PAPSS2: variants seen among roughly 807,000 people sequenced by gnomAD.
The protein encoded by PAPSS2 is bifunctional 3'-phosphoadenosine 5'-phosphosulfate synthase 2.
In PAPSS2, 61 loss-of-function variants were observed where a neutral mutation model predicts 66.5. The ratio of observed to expected loss-of-function variants is 0.92; its 90% CI spans 0.75 to 1.14. The LOEUF is 1.14. PAPSS2 is among the 50% of genes most tolerant of loss of function. The probability of loss-of-function intolerance (pLI) is 0.00; values close to 1 mark genes in which losing one functional copy is unlikely to be tolerated. For synonymous variants in PAPSS2, 289 were observed against 287.5 expected (o/e 1.01, Z -0.05); for missense variants, 708 against 789.6 (o/e 0.90, Z 1.24).
intron 1 of PAPSS2, among the ~76,000 whole-genome samples, chr10:87,660,584 G>A (rs1181603119): frequency 1.3e-5 from 2 of 152,084 alleles, no homozygotes; most frequent in South Asian, 2.1e-4. Flanking sequence ...TCAGTAATGA[G>A]GGGTGAGGGT....
intron 7 of PAPSS2, among the ~76,000 whole-genome samples, chr10:87,721,473 C>T (rs547447593): frequency 6.6e-6 from 1 of 152,180 alleles, no homozygotes; most frequent in East Asian, 1.9e-4. Flanking sequence ...GATATCTCTT[C>T]CCAGTGGATG....
rs560536665 is a variant in PAPSS2 at position 87,662,808 on chromosome 10, A to T, written c.27+2800A>T. On this transcript the variant is annotated intron_variant, in intron 1 of 12. Transcript: ENST00000456849. ...AAAACAATTGGAAAGGAGTGAAAAG[A>T]TACTGAAAACCACAGCGCTCTCCAT... is the stretch of plus-strand genomic sequence containing the variant. 2.0e-4 allele frequency among the ~76,000 whole-genome samples: 31 copies of T among 152,328 alleles called. No homozygotes were observed. In the East Asian group the frequency reaches 5.6e-3, roughly 27 times the overall value.
chr10:87,675,995 A>G (rs111837490), intron 1 of PAPSS2, among the ~76,000 whole-genome samples: 9,903 of 119,726 alleles, frequency 0.083, 652 homozygotes, highest in East Asian at 0.35. Context: ...TTTTTTTTTA[A>G]TGTAAAGCCA....
intron 10 of PAPSS2, among the ~76,000 whole-genome samples, chr10:87,742,584 G>GA (rs928902147): frequency 1.3e-5 from 2 of 151,468 alleles, no homozygotes; most frequent in Admixed American, 6.6e-5. Flanking sequence ...TTCATTATCA[G>GA]AAAAAAAAAT....
intron 9 of PAPSS2, among the ~76,000 whole-genome samples, chr10:87,738,333 A>G (rs994453583): frequency 2.0e-5 from 3 of 152,176 alleles, no homozygotes; most frequent in African/African-American, 7.2e-5. Flanking sequence ...CAATCCCACT[A>G]ACAGTGTACA....
At chr10:87,710,965 G>A (rs1232124740) in intron 2 of PAPSS2, among the ~76,000 whole-genome samples, 2 of 152,148 alleles carry the variant, frequency 1.3e-5, no homozygotes, top group East Asian at 3.8e-4. Context: ...ATCCGCCACT[G>A]CACTCCAGCC....
chr10:87,703,222 G>A (rs1194221299), intron 1 of PAPSS2, among the ~76,000 whole-genome samples: 2 of 144,506 alleles, frequency 1.4e-5, no homozygotes, highest in African/African-American at 5.3e-5. Flanking sequence ...CCTTAGTGTA[G>A]GGTACGTCCC....
intron 1 of PAPSS2, among the ~76,000 whole-genome samples, chr10:87,669,087 G>A (rs912074151): frequency 2.0e-5 from 3 of 152,166 alleles, no homozygotes; most frequent in Non-Finnish European, 2.9e-5. Context: ...TAACTTGACC[G>A]TTTTGAAATA....
In PAPSS2 at chr10:87,746,085, GAAGTAA is replaced by G; in HGVS notation, c.*120_*125del. On this transcript the variant is annotated 3_prime_UTR_variant, in exon 13 of 13. Transcript: ENST00000456849. ...ATGATGCATTTTAATCTTTTATAATGAAGTAAAAGTTGTGTCTATAATTAAAAAAAA... is the reference window on the plus strand; with the variant it reads ...ATGATGCATTTTAATCTTTTATAATGAAGTTGTGTCTATAATTAAAAAAAA... 4.2e-6 allele frequency: 4 copies of G among 962,316 alleles called. No individual in the cohort carries two copies. The highest frequency in any genetic ancestry group is 6.3e-6 in the Non-Finnish European group (4 of 630,872). 59.6% of individuals were successfully genotyped at this position (962,316 alleles called of 1,614,324 possible).
intron 9 of PAPSS2, among the ~76,000 whole-genome samples, chr10:87,732,150 C>A (rs973978587): frequency 3.3e-5 from 5 of 152,198 alleles, no homozygotes; most frequent in African/African-American, 1.2e-4. Flanking sequence ...TTGTCAGCAG[C>A]TATTAACACA....
intron 1 of PAPSS2, among the ~76,000 whole-genome samples, chr10:87,691,975 C>G (rs7093163): frequency 0.056 from 8,528 of 152,152 alleles, 798 homozygotes; most frequent in African/African-American, 0.19. Flanking sequence ...GAATTTTACT[C>G]TACTGGCAAA....
At chr10:87,677,590 C>T (rs950821193) in intron 1 of PAPSS2, among the ~76,000 whole-genome samples, 3 of 152,124 alleles carry the variant, frequency 2.0e-5, no homozygotes, top group Non-Finnish European at 4.4e-5. Context: ...TAACCAGCTC[C>T]GTGCAGGAGA....
Position 87,723,338 on chromosome 10 carries a change from C to T in PAPSS2, c.880+1568C>T, listed in dbSNP as rs576439698. Among the ~76,000 whole-genome samples, 19 of 152,312 alleles carry T rather than the reference C, an allele frequency of 1.2e-4. No homozygotes were observed. In the South Asian group the frequency reaches 3.9e-3, roughly 32 times the overall value. Reference sequence around the variant, plus strand: ...CTATGCAGTGGATTTAATCATCTTCCATCAGCAACCTCCATTAACATAGTG... The same window carrying T: ...CTATGCAGTGGATTTAATCATCTTCTATCAGCAACCTCCATTAACATAGTG... On this transcript the variant is annotated intron_variant, in intron 8 of 12. Transcript: ENST00000456849.
chr10:87,687,316 C>T (rs960664936), intron 1 of PAPSS2, among the ~76,000 whole-genome samples: 1 of 152,058 alleles, frequency 6.6e-6, no homozygotes, highest in Non-Finnish European at 1.5e-5. Flanking sequence ...ATGCTTATGA[C>T]GTAGGTGGGA....
chr10:87,745,505 A>T (rs1178706602), intron 12 of PAPSS2, among the ~76,000 whole-genome samples: 1 of 152,218 alleles, frequency 6.6e-6, no homozygotes, highest in Non-Finnish European at 1.5e-5. Flanking sequence ...AAAGGAAGCA[A>T]CATAGAAAGA....
intron 1 of PAPSS2, among the ~76,000 whole-genome samples, chr10:87,674,234 G>A (rs1044973063): frequency 3.9e-5 from 6 of 152,120 alleles, no homozygotes; most frequent in South Asian, 2.1e-4. Context: ...GCACGATCTC[G>A]GCTCACTGCA....
chr10:87,709,232 G>A lies in PAPSS2; in HGVS notation c.64G>A (p.Ala22Thr). 1 of 1,613,336 alleles carries A rather than the reference G, an allele frequency of 6.2e-7. No individual in the cohort carries two copies. The highest frequency in any genetic ancestry group is 8.5e-7 in the Non-Finnish European group (1 of 1,179,454). Residue 22 changes from alanine to threonine, a missense_variant, in exon 2 of 13, where the codon GCC becomes ACC. Coordinates refer to ENST00000456849, the MANE Select transcript of PAPSS2 (RefSeq NM_001015880.2). The part of the protein sequence containing the change: ...QQKSTNVVYQ[A>T]HHVSRNKRGQ... Reference sequence around the variant, plus strand: ...GAAATCCACCAATGTAGTCTATCAGGCCCACCATGTGAGCAGGAATAAGAG... The same window carrying A: ...GAAATCCACCAATGTAGTCTATCAGACCCACCATGTGAGCAGGAATAAGAG...
At chr10:87,665,263 G>C (rs1852800471) in intron 1 of PAPSS2, among the ~76,000 whole-genome samples, 1 of 151,690 alleles carries the variant, frequency 6.6e-6, no homozygotes, top group African/African-American at 2.4e-5. Context: ...CCAGGCTGGA[G>C]TGCAGTGGCG....
intron 9 of PAPSS2, among the ~76,000 whole-genome samples, chr10:87,731,851 A>G (rs371947370): frequency 2.4e-4 from 37 of 152,164 alleles, no homozygotes; most frequent in East Asian, 7.7e-4. Context: ...GAGCAAATAA[A>G]TCGTTTTTTT....
Sources: allele counts gnomAD v4.1 joint callset (sites outside exome capture counted in the v4.1 genomes callset), GRCh38; gene constraint gnomAD v4.1.1; transcripts MANE v1.5; gene names NCBI Gene and HGNC (gene_info 2026-07-23, HGNC 2026-07-21).